Variants in NEK7 observed in about 807,000 individuals in gnomAD.
NEK7 encodes serine/threonine-protein kinase Nek7.
In NEK7, 18 loss-of-function variants were observed where a neutral mutation model predicts 44.6. The observed-to-expected ratio is 0.40, with a 90% CI of 0.28 to 0.60. The LOEUF (loss-of-function observed/expected upper bound fraction) is 0.60, where lower values mean the gene tolerates loss of function less well. Among genes scored for constraint, NEK7 ranks in the 20% least tolerant of loss-of-function variants. The pLI, the probability that NEK7 is intolerant of heterozygous loss-of-function variation, is 0.38. For synonymous variants in NEK7, 130 were observed against 121.1 expected, an observed-to-expected ratio of 1.07 and a Z score of -0.48; for missense variants, 256 against 366.5, an observed-to-expected ratio of 0.70 and a Z score of 2.46.
At chr1:198,185,268 T>A (rs1396997294) in intron 1 of NEK7, among the ~76,000 whole-genome samples, 1 of 147,892 alleles carries the variant, frequency 6.8e-6, no homozygotes. Flanking sequence ...TTGTTCTTCA[T>A]AAATAGTGTC....
Position 198,279,076 on chromosome 1 carries a change from A to T in NEK7, c.589+15A>T, listed in dbSNP as rs755354557. On this transcript the variant is annotated intron_variant, in intron 7 of 9. Coordinates refer to ENST00000367385, the MANE Select transcript of NEK7 (RefSeq NM_133494.3). ...ACATTCTTTAGGTAAGAGACACAAT[A>T]TAATTTCATTCAGTTACTTTGTGTA... 48 of 1,471,426 alleles carry T rather than the reference A, an allele frequency of 3.3e-5. No individual in the cohort carries two copies. Among genetic ancestry groups the T allele is most frequent in the Non-Finnish European group, 4.3e-5 (45 of 1,050,932 alleles). The allele number at this position is 1,471,426 out of a possible 1,614,324, so 91.1% of individuals were successfully genotyped here. A position where few individuals can be genotyped will look rare whatever the true frequency, so the allele number is the denominator to read the frequency against.
intron 1 of NEK7, among the ~76,000 whole-genome samples, chr1:198,197,372 T>A (rs1417973353): frequency 6.6e-6 from 1 of 152,216 alleles, no homozygotes; most frequent in East Asian, 1.9e-4. Flanking sequence ...CTGTGAAGTT[T>A]CTTAATAAAG....
intron 1 of NEK7, among the ~76,000 whole-genome samples, chr1:198,195,550 G>A (rs928498446): frequency 3.3e-5 from 5 of 152,158 alleles, no homozygotes; most frequent in Non-Finnish European, 7.3e-5. Context: ...GCCAGGCGTG[G>A]TGGCTCATGC....
chr1:198,227,839 G>C (rs1418074167), intron 1 of NEK7, among the ~76,000 whole-genome samples: 1 of 152,134 alleles, frequency 6.6e-6, no homozygotes, highest in East Asian at 1.9e-4. Flanking sequence ...TCTGATGGTA[G>C]TTTCTTTTGC....
intron 1 of NEK7, among the ~76,000 whole-genome samples, chr1:198,188,208 A>G (rs1664974846): frequency 6.6e-6 from 1 of 152,180 alleles, no homozygotes; most frequent in African/African-American, 2.4e-5. Context: ...TTAGGTGAGA[A>G]CCTGGATTTC....
chr1:198,174,891 G>T (rs1044817453), intron 1 of NEK7, among the ~76,000 whole-genome samples: 2 of 151,942 alleles, frequency 1.3e-5, no homozygotes, highest in Admixed American at 6.6e-5. Flanking sequence ...CAAGTAGCTA[G>T]GACCACAGGT....
intron 2 of NEK7, among the ~76,000 whole-genome samples, chr1:198,251,553 A>T (rs1652988345): frequency 6.6e-6 from 1 of 151,890 alleles, no homozygotes; most frequent in South Asian, 2.1e-4. Context: ...ACAATTTCAG[A>T]GCTGTTATTG....
chr1:198,216,650 G>A (rs1665930203), intron 1 of NEK7, among the ~76,000 whole-genome samples: 1 of 151,550 alleles, frequency 6.6e-6, no homozygotes, highest in Admixed American at 6.6e-5. Context: ...AACAAAAACT[G>A]GTTATTTGAA....
At position 198,198,264 on chromosome 1, in the gene NEK7, G is replaced by A; in HGVS notation, c.-28-34289G>A. 5.7e-6 allele frequency: 3 copies of A among 525,038 alleles called. No individual in the cohort carries two copies. The South Asian group carries it at 6.2e-5, about 11-fold the overall frequency. 32.5% of individuals were successfully genotyped at this position (525,038 alleles called of 1,614,324 possible). A position where few individuals can be genotyped will look rare whatever the true frequency, so the allele number is the denominator to read the frequency against. On this transcript the variant is annotated intron_variant, in intron 1 of 9. Coordinates refer to ENST00000367385, the MANE Select transcript of NEK7 (RefSeq NM_133494.3). The stretch of plus-strand genomic sequence containing the variant: ...CCTCAGCTCAATACATTTTTAGAAG[G>A]GAACCCCCCATGTGACCACACACTA...
chr1:198,211,626 TA>T (rs1169848911), intron 1 of NEK7, among the ~76,000 whole-genome samples: 1 of 152,176 alleles, frequency 6.6e-6, no homozygotes, highest in Non-Finnish European at 1.5e-5. Flanking sequence ...AATAATAGGT[TA>T]TTGAATTAGA....
At chr1:198,230,411 A>G (rs1452855669) in intron 1 of NEK7, among the ~76,000 whole-genome samples, 3 of 152,114 alleles carry the variant, frequency 2.0e-5, no homozygotes, top group Non-Finnish European at 4.4e-5. Context: ...CAACATTTTA[A>G]CAGATTAAAA....
intron 1 of NEK7, among the ~76,000 whole-genome samples, chr1:198,212,390 C>T (rs904176164): frequency 6.6e-6 from 1 of 152,214 alleles, no homozygotes; most frequent in Non-Finnish European, 1.5e-5. Flanking sequence ...GTTAGCAAAA[C>T]ACTGCGGGTG....
chr1:198,169,944 G>C (rs1389147163), intron 1 of NEK7, among the ~76,000 whole-genome samples: 2 of 152,148 alleles, frequency 1.3e-5, no homozygotes, highest in African/African-American at 2.4e-5. Context: ...GCAGATGACT[G>C]CTTCCCAGAG....
chr1:198,237,593 A>G (rs181788715), intron 2 of NEK7, among the ~76,000 whole-genome samples: 13 of 152,230 alleles, frequency 8.5e-5, no homozygotes, highest in Admixed American at 5.9e-4. Flanking sequence ...GAATTTGAGC[A>G]CTTCTTTTCT....
chr1:198,222,271 T>C (rs539166862), intron 1 of NEK7, among the ~76,000 whole-genome samples: 10 of 152,170 alleles, frequency 6.6e-5, no homozygotes, highest in Non-Finnish European at 1.2e-4. Context: ...TACCATAATA[T>C]GCTTAAGAGA....
rs973196928 is a variant in NEK7 at position 198,314,969 on chromosome 1, T to A, written c.799-4443T>A. On this transcript the variant is annotated intron_variant, in intron 9 of 9. Transcript: ENST00000367385. ...GCTGTGGTGAGCTCCACCCAGTTGG[T>A]GCTTCCCGGCTGCTTTGTTTACCTA... Among the ~76,000 whole-genome samples the A allele has an allele frequency of 1.4e-3, 216 of 152,336 alleles. 2 individuals are homozygous for A. Among genetic ancestry groups the A allele is most frequent in the East Asian group, 6.8e-3 (35 of 5,180 alleles).
intron 3 of NEK7, among the ~76,000 whole-genome samples, chr1:198,254,038 T>C (rs947520215): frequency 6.6e-6 from 1 of 152,182 alleles, no homozygotes; most frequent in Non-Finnish European, 1.5e-5. Flanking sequence ...TCTTTTATCT[T>C]TTTTCTGCAG....
intron 1 of NEK7, among the ~76,000 whole-genome samples, chr1:198,160,609 G>C (rs1664076659): frequency 6.6e-6 from 1 of 152,046 alleles, no homozygotes; most frequent in African/African-American, 2.4e-5. Context: ...ACTTCATCAG[G>C]ATTTATGTAA....
chr1:198,252,569 A>ATATATATATAT (rs1558079353), intron 2 of NEK7, among the ~76,000 whole-genome samples: 5 of 21,064 alleles, frequency 2.4e-4, no homozygotes, highest in Admixed American at 1.1e-3. Context: ...TATATATATA[A>ATATATATATAT]AAAGTACATA....
Sources: allele counts gnomAD v4.1 joint callset (sites outside exome capture counted in the v4.1 genomes callset), GRCh38; gene constraint gnomAD v4.1.1; transcripts MANE v1.5; gene names NCBI Gene and HGNC (gene_info 2026-07-23, HGNC 2026-07-21).